The following PRKAG2 variants were observed in gnomAD, a reference collection of about 807,000 sequenced individuals.
PRKAG2 encodes the protein 5'-AMP-activated protein kinase subunit gamma-2.
A neutral mutation model predicts 69.6 loss-of-function variants in PRKAG2; 26 were observed. The ratio of observed to expected loss-of-function variants is 0.37; its 90% CI spans 0.27 to 0.52. The LOEUF is 0.52. PRKAG2 is among the 20% of genes least tolerant of loss of function. The pLI, the probability that PRKAG2 is intolerant of heterozygous loss-of-function variation, is 0.90. For synonymous variants in PRKAG2, 293 were observed against 285.0 expected, an observed-to-expected ratio of 1.03 and a Z score of -0.28; for missense variants, 557 against 740.0, an observed-to-expected ratio of 0.75 and a Z score of 2.87.
intron 1 of PRKAG2, among the ~76,000 whole-genome samples, chr7:151,843,453 T>C (rs778780923): frequency 6.6e-6 from 1 of 152,214 alleles, no homozygotes; most frequent in Non-Finnish European, 1.5e-5. Flanking sequence ...GAATTTCAAA[T>C]CTGGTGGCTT....
intron 1 of PRKAG2, among the ~76,000 whole-genome samples, chr7:151,805,939 C>T (rs937565661): frequency 6.6e-6 from 1 of 152,214 alleles, no homozygotes; most frequent in Non-Finnish European, 1.5e-5. Flanking sequence ...TGGCTCACGC[C>T]TATAGTCCAA....
intron 5 of PRKAG2, among the ~76,000 whole-genome samples, chr7:151,606,292 A>G (rs1407992189): frequency 6.6e-6 from 1 of 152,226 alleles, no homozygotes; most frequent in African/African-American, 2.4e-5. Flanking sequence ...AAGCTAGGAA[A>G]ATACAGTAAA....
chr7:151,700,141 A>G (rs1837426111), intron 3 of PRKAG2, among the ~76,000 whole-genome samples: 1 of 152,210 alleles, frequency 6.6e-6, no homozygotes, highest in South Asian at 2.1e-4. Flanking sequence ...TTCCTCCCCA[A>G]CAAGGGAAAT....
intron 3 of PRKAG2, among the ~76,000 whole-genome samples, chr7:151,713,586 A>ATT (rs200647217): frequency 0.09 from 12,764 of 142,034 alleles, 1,153 homozygotes; most frequent in East Asian, 0.22. Flanking sequence ...TGCTTTTTTA[A>ATT]TTTTTTTTTT....
chr7:151,635,960 C>T (rs934585370), intron 4 of PRKAG2, among the ~76,000 whole-genome samples: 7 of 151,708 alleles, frequency 4.6e-5, no homozygotes, highest in East Asian at 1.9e-4. Context: ...CTCCACCTCC[C>T]GGGTTCACGC....
intron 11 of PRKAG2, among the ~76,000 whole-genome samples, chr7:151,568,478 C>G (rs936690278): frequency 3.3e-5 from 5 of 152,000 alleles, no homozygotes; most frequent in African/African-American, 1.2e-4. Context: ...GAGAGAATGC[C>G]GAGTTTTGTT....
intron 15 of PRKAG2, chr7:151,559,826 G>A: frequency 2.0e-6 from 2 of 985,300 alleles, no homozygotes; most frequent in Non-Finnish European, 2.4e-6. Flanking sequence ...GACTGGGGCT[G>A]GGGAGGTGGA....
chr7:151,639,720 C>T (rs1326234449), intron 4 of PRKAG2, among the ~76,000 whole-genome samples: 6 of 152,176 alleles, frequency 3.9e-5, no homozygotes, highest in South Asian at 2.1e-4. Flanking sequence ...CTGAGAATTA[C>T]GCCACTGGCT....
intron 3 of PRKAG2, among the ~76,000 whole-genome samples, chr7:151,676,835 T>A (rs1563405076): frequency 6.6e-6 from 1 of 152,112 alleles, no homozygotes; most frequent in African/African-American, 2.4e-5. Context: ...GGTGTCCTTA[T>A]AAGAAGAGGA....
intron 1 of PRKAG2, among the ~76,000 whole-genome samples, chr7:151,849,063 C>T (rs527654796): frequency 3.3e-5 from 5 of 152,248 alleles, no homozygotes; most frequent in East Asian, 1.9e-4. Context: ...GTGTTCTGAA[C>T]GAAAATGGGT....
intron 15 of PRKAG2, chr7:151,558,840 T>G: frequency 1.0e-6 from 1 of 985,412 alleles, no homozygotes; most frequent in Non-Finnish European, 1.2e-6. Flanking sequence ...ATACCAAATC[T>G]GGATGGAAAT....
At chr7:151,717,787 G>A (rs1323165247) in intron 3 of PRKAG2, among the ~76,000 whole-genome samples, 1 of 152,232 alleles carries the variant, frequency 6.6e-6, no homozygotes, top group Non-Finnish European at 1.5e-5. Flanking sequence ...GCTGAAAATA[G>A]TGGGGTTTTT....
chr7:151,560,207 T>C, intron 15 of PRKAG2: 1 of 1,219,630 alleles, frequency 8.2e-7, no homozygotes, highest in Non-Finnish European at 1.0e-6. Context: ...ACTAGTTCTC[T>C]CACAAAGCAC....
chr7:151,863,828 T>C (rs1020193183), intron 1 of PRKAG2, among the ~76,000 whole-genome samples: 1 of 151,764 alleles, frequency 6.6e-6, no homozygotes, highest in Non-Finnish European at 1.5e-5. Context: ...AGAGGATCGC[T>C]TGAGCTCAGG....
chr7:151,821,062 A>AGAGCCTCCAACCC (rs1184141184), intron 1 of PRKAG2, among the ~76,000 whole-genome samples: 7 of 152,178 alleles, frequency 4.6e-5, no homozygotes, highest in African/African-American at 7.2e-5. Context: ...AGCTGTGGAG[A>AGAGCCTCCAACCC]CAGGGAACAA....
chr7:151,674,294 A>G (rs1832550814), intron 4 of PRKAG2, among the ~76,000 whole-genome samples: 1 of 152,254 alleles, frequency 6.6e-6, no homozygotes, highest in Admixed American at 6.5e-5. Context: ...AAGAGAGTGT[A>G]GCCCTGCCAA....
chr7:151,568,588 A>C, intron 11 of PRKAG2, 128 bp downstream of exon 11: 1 of 968,796 alleles, frequency 1.0e-6, no homozygotes, highest in East Asian at 2.7e-5. Context: ...GAGAAACTGA[A>C]GTTTAGAAAG....
At position 151,781,545 on chromosome 7, in the gene PRKAG2, C is replaced by T. The variant is rs1457021782; in HGVS notation, c.187-114G>A. Reference sequence around the variant, plus strand: ...TCACATGCGGGCCCCCCATAGTACCCTCCCAGAGAAACAGCCCTAAGCTCT... The same window carrying T: ...TCACATGCGGGCCCCCCATAGTACCTTCCCAGAGAAACAGCCCTAAGCTCT... On this transcript the variant is annotated intron_variant, in intron 2 of 15. Coordinates refer to ENST00000287878, the MANE Select transcript of PRKAG2 (RefSeq NM_016203.4). The surrounding 1 kb of genome is among the most constrained non-coding windows in gnomAD (Gnocchi z 6.1). The T allele has an allele frequency of 1.1e-5, 14 of 1,313,614 alleles. No homozygotes were observed. The East Asian group carries it at 3.5e-4, about 33-fold the overall frequency. 81.4% of individuals were successfully genotyped at this position (1,313,614 alleles called of 1,614,324 possible). A position where few individuals can be genotyped will look rare whatever the true frequency, so the allele number is the denominator to read the frequency against.
chr7:151,868,601 C>G (rs899261685), intron 1 of PRKAG2, among the ~76,000 whole-genome samples: 1 of 152,370 alleles, frequency 6.6e-6, no homozygotes, highest in East Asian at 1.9e-4. Context: ...GGCTGGTTCA[C>G]CGTCCTGAAA....
Sources: allele counts gnomAD v4.1 joint callset (sites outside exome capture counted in the v4.1 genomes callset), GRCh38; gene constraint gnomAD v4.1.1; non-coding constraint Gnocchi (gnomAD v3.1); transcripts MANE v1.5; gene names NCBI Gene and HGNC (gene_info 2026-07-23, HGNC 2026-07-21).